AFF3: variants seen among roughly 807,000 people sequenced by gnomAD.
AFF3 encodes ALF transcription elongation factor 3.
AFF3 carries 32 observed loss-of-function variants against 129.7 expected under a neutral mutation model. That is an observed-to-expected ratio of 0.25 (90% CI 0.19 to 0.33). The LOEUF is 0.33. Ranked by LOEUF, AFF3 falls within the 10% of genes least tolerant of loss-of-function variation. The pLI, the probability that AFF3 is intolerant of heterozygous loss-of-function variation, is 1.00. For missense variants in AFF3, 1,373 were observed against 1,592.0 expected (o/e 0.86, Z 2.34); for synonymous variants, 644 against 635.4 (o/e 1.01, Z -0.20).
intron 7 of AFF3, among the ~76,000 whole-genome samples, chr2:99,925,811 A>G (rs1696196979): frequency 6.6e-6 from 1 of 152,238 alleles, no homozygotes; most frequent in African/African-American, 2.4e-5. Flanking sequence ...CAGAGGAGAC[A>G]TTCAGTGAAT....
At chr2:99,637,995 C>T (rs973813039) in intron 13 of AFF3, among the ~76,000 whole-genome samples, 3 of 152,010 alleles carry the variant, frequency 2.0e-5, no homozygotes, top group Non-Finnish European at 4.4e-5. Flanking sequence ...ATATTTTACC[C>T]CTGGTAACTT....
chr2:99,941,536 A>G (rs1364426699), intron 7 of AFF3, among the ~76,000 whole-genome samples: 1 of 152,212 alleles, frequency 6.6e-6, no homozygotes, highest in Non-Finnish European at 1.5e-5. Context: ...CAGCCCCTGA[A>G]TTTTGTTGGA....
chr2:100,118,210 A>G (rs1373696144), intron 2 of AFF3, among the ~76,000 whole-genome samples: 1 of 152,198 alleles, frequency 6.6e-6, no homozygotes, highest in South Asian at 2.1e-4. Flanking sequence ...ATAAATGCAT[A>G]TATTGCATTT....
intron 18 of AFF3, among the ~76,000 whole-genome samples, chr2:99,576,306 C>T (rs1047872964): frequency 4.7e-5 from 7 of 148,232 alleles, no homozygotes; most frequent in African/African-American, 1.8e-4. Context: ...GCTGGGATTA[C>T]AGGTGTGAGC....
chr2:99,744,105 T>C lies in AFF3; in HGVS notation c.1038A>G (p.Pro346=). 2 of 1,604,750 alleles carry C rather than the reference T, an allele frequency of 1.2e-6. No individual in the cohort carries two copies. The highest frequency in any genetic ancestry group is 2.2e-5 in the South Asian group (2 of 89,504). The change falls in exon 10 of 25, where the codon CCA becomes CCG. Residue 346 remains proline (P), a splice_region_variant and synonymous_variant. Transcript: ENST00000672756. ...ACTCCAGAGCGAAGTCTTTCTTACT[T>C]GGATTATTGTGTCCAGAGGATACAA... ...SQLVSSGHNN[P]KKGDAEPESP... is the part of the protein sequence containing the mutation.
chr2:99,888,832 C>T (rs1012487040), intron 7 of AFF3, among the ~76,000 whole-genome samples: 9 of 152,016 alleles, frequency 5.9e-5, no homozygotes, highest in Non-Finnish European at 1.3e-4. Context: ...TGAACAATGA[C>T]GGCAACAAGA....
At chr2:99,750,981 T>G (rs76937021) in intron 9 of AFF3, among the ~76,000 whole-genome samples, 2,328 of 152,344 alleles carry the variant, frequency 0.015, 58 homozygotes, top group African/African-American at 0.054. Flanking sequence ...TTCAAATACG[T>G]TTTATTGTAA....
At chr2:99,953,032 A>G (rs1444173644) in intron 7 of AFF3, among the ~76,000 whole-genome samples, 1 of 152,262 alleles carries the variant, frequency 6.6e-6, no homozygotes, top group East Asian at 1.9e-4. Flanking sequence ...AGTAAGCACC[A>G]AGTGCTAGTC....
At chr2:99,789,171 A>T (rs946192825) in intron 8 of AFF3, among the ~76,000 whole-genome samples, 1 of 152,200 alleles carries the variant, frequency 6.6e-6, no homozygotes, top group African/African-American at 2.4e-5. Flanking sequence ...GTGCGGTGCC[A>T]TGCCTGTAAT....
chr2:99,838,562 GC>G (rs1363654252), intron 7 of AFF3, among the ~76,000 whole-genome samples: 2 of 152,110 alleles, frequency 1.3e-5, no homozygotes, highest in African/African-American at 4.8e-5. Context: ...TAGAGTGCTT[GC>G]CCCCAGCAGC....
At chr2:99,855,234 T>C (rs1326886646) in intron 7 of AFF3, among the ~76,000 whole-genome samples, 1 of 152,104 alleles carries the variant, frequency 6.6e-6, no homozygotes, top group Non-Finnish European at 1.5e-5. Flanking sequence ...TGTTTGAAAA[T>C]TGGTTGTGGT....
intron 7 of AFF3, among the ~76,000 whole-genome samples, chr2:99,863,702 T>G (rs149737787): frequency 6.6e-6 from 1 of 152,204 alleles, no homozygotes; most frequent in Non-Finnish European, 1.5e-5. Flanking sequence ...CCAGAAGTTA[T>G]TGGGCTAAGT....
chr2:99,675,519 C>G (rs1687527953), intron 11 of AFF3, among the ~76,000 whole-genome samples: 1 of 152,240 alleles, frequency 6.6e-6, no homozygotes, highest in South Asian at 2.1e-4. Flanking sequence ...AGGCCCTTGG[C>G]TCAACTCCCT....
intron 13 of AFF3, among the ~76,000 whole-genome samples, chr2:99,648,881 GCGCGCACA>G (rs1297545613): frequency 3.1e-5 from 2 of 64,904 alleles, no homozygotes; most frequent in Admixed American, 1.8e-4. Flanking sequence ...CTCAAAACAC[GCGCGCACA>G]CACACACACA....
At chr2:99,773,588 G>A (rs1182280053) in intron 8 of AFF3, among the ~76,000 whole-genome samples, 2 of 151,976 alleles carry the variant, frequency 1.3e-5, no homozygotes, top group South Asian at 2.1e-4. Context: ...AGTTAAGACT[G>A]GATATGAATT....
In AFF3 at chr2:99,578,187, A is replaced by G. The variant is rs989973539; in HGVS notation, c.2918+140T>C. The G allele has an allele frequency of 3.7e-5, 47 of 1,260,976 alleles. No homozygotes were observed. In the African/African-American group the frequency reaches 6.6e-4, roughly 18 times the overall value. 78.1% of individuals were successfully genotyped at this position (1,260,976 alleles called of 1,614,324 possible). ...GGCTCCAATTCCATTCAAGAGGGAC[A>G]TTTAAATGACCAAGTCCCAGGGGAA... On this transcript the variant is annotated intron_variant, in intron 18 of 24. Coordinates refer to ENST00000672756, the MANE Select transcript of AFF3 (RefSeq NM_001386135.1).
chr2:99,822,597 T>C (rs143274590), intron 8 of AFF3, among the ~76,000 whole-genome samples: 1 of 152,110 alleles, frequency 6.6e-6, no homozygotes, highest in Non-Finnish European at 1.5e-5. Context: ...TTAACAAATC[T>C]CTCTTTGTGT....
intron 7 of AFF3, among the ~76,000 whole-genome samples, chr2:99,986,847 A>C (rs1364346025): frequency 6.6e-6 from 1 of 152,208 alleles, no homozygotes; most frequent in East Asian, 1.9e-4. Context: ...GTACTTTTCC[A>C]AGTTGAAATT....
chr2:100,105,388 G>A, intron 3 of AFF3, 116 bp downstream of exon 3: 1 of 1,284,366 alleles, frequency 7.8e-7, no homozygotes, highest in East Asian at 5.0e-5. Context: ...GCGGCGCGGA[G>A]GAAACCTCTT....
Sources: allele counts gnomAD v4.1 joint callset (sites outside exome capture counted in the v4.1 genomes callset), GRCh38; gene constraint gnomAD v4.1.1; transcripts MANE v1.5; gene names NCBI Gene and HGNC (gene_info 2026-07-23, HGNC 2026-07-21).